Variants in BABAM2 observed in about 807,000 individuals in gnomAD.
BABAM2 encodes the protein BRISC and BRCA1 A complex member 2.
In BABAM2, 31 loss-of-function variants were observed where a neutral mutation model predicts 54.7. That is an observed-to-expected ratio of 0.57 (90% CI 0.43 to 0.77). BABAM2 has a LOEUF of 0.77. Among genes scored for constraint, BABAM2 ranks in the 30% least tolerant of loss-of-function variants. The probability of loss-of-function intolerance (pLI) is 0.00; values close to 1 mark genes in which losing one functional copy is unlikely to be tolerated. For missense variants in BABAM2, 364 were observed against 455.8 expected (o/e 0.80, Z 1.83); for synonymous variants, 167 against 162.9 (o/e 1.03, Z -0.19).
chr2:28,078,381 C>T (rs1203131255), intron 6 of BABAM2, among the ~76,000 whole-genome samples: 1 of 151,770 alleles, frequency 6.6e-6, no homozygotes, highest in Non-Finnish European at 1.5e-5. Flanking sequence ...GCAATTCAGA[C>T]ATGCCACACA....
chr2:28,101,721 TTAG>T (rs1351332590), intron 6 of BABAM2, among the ~76,000 whole-genome samples: 1 of 152,196 alleles, frequency 6.6e-6, no homozygotes, highest in Non-Finnish European at 1.5e-5. Flanking sequence ...TCATAATGTA[TTAG>T]TACATAGGTT....
chr2:28,152,624 T>G (rs1160777351), intron 7 of BABAM2, among the ~76,000 whole-genome samples: 1 of 152,160 alleles, frequency 6.6e-6, no homozygotes, highest in Non-Finnish European at 1.5e-5. Flanking sequence ...ATGACACTGC[T>G]CACCCATTCT....
At chr2:28,227,789 C>T (rs752642392) in intron 7 of BABAM2, among the ~76,000 whole-genome samples, 1 of 152,158 alleles carries the variant, frequency 6.6e-6, no homozygotes, top group South Asian at 2.1e-4. Context: ...GGTGTGAGGA[C>T]CACCTGCATC....
chr2:28,281,985 G>C (rs550415006), intron 10 of BABAM2, among the ~76,000 whole-genome samples: 33 of 152,308 alleles, frequency 2.2e-4, no homozygotes, highest in Middle Eastern at 6.8e-3. Context: ...TTTCTGAAAA[G>C]GAAGTGCTGA....
chr2:28,326,285 C>A (rs1690448765), intron 11 of BABAM2, among the ~76,000 whole-genome samples: 1 of 152,196 alleles, frequency 6.6e-6, no homozygotes, highest in African/African-American at 2.4e-5. Context: ...CCCTGCACCC[C>A]ACCCCAGGCA....
intron 7 of BABAM2, among the ~76,000 whole-genome samples, chr2:28,206,697 A>G (rs1357429709): frequency 6.6e-6 from 1 of 152,142 alleles, no homozygotes; most frequent in Admixed American, 6.5e-5. Context: ...CATCTTTTAT[A>G]AATTGCACAA....
At chr2:28,202,343 T>C (rs899218984) in intron 7 of BABAM2, among the ~76,000 whole-genome samples, 2 of 152,106 alleles carry the variant, frequency 1.3e-5, no homozygotes, top group Non-Finnish European at 2.9e-5. Flanking sequence ...CCACATCCCA[T>C]TGAGTCCCCC....
intron 7 of BABAM2, among the ~76,000 whole-genome samples, chr2:28,135,089 G>A (rs1156384218): frequency 6.6e-6 from 1 of 152,168 alleles, no homozygotes; most frequent in Non-Finnish European, 1.5e-5. Context: ...CATGGTTGAT[G>A]CTTAGTTAGT....
Position 28,098,620 on chromosome 2 carries a change from G to C in BABAM2, c.571-30651G>C, listed in dbSNP as rs189702420. 2.1e-3 allele frequency among the ~76,000 whole-genome samples: 314 copies of C among 152,210 alleles called. 3 individuals carry two copies. The highest frequency in any genetic ancestry group is 4.2e-3 in the East Asian group (22 of 5,184). ...CTTCCCTATGAACTAGGAAATAAAG[G>C]AATCAGCTTACTCCATGAAAGTCGC... On this transcript the variant is annotated intron_variant, in intron 6 of 11. Coordinates refer to ENST00000379624, the MANE Select transcript of BABAM2 (RefSeq NM_199191.3).
intron 6 of BABAM2, among the ~76,000 whole-genome samples, chr2:28,052,556 G>A (rs1678080657): frequency 6.6e-6 from 1 of 152,130 alleles, no homozygotes; most frequent in Non-Finnish European, 1.5e-5. Context: ...CCAAAGTGCT[G>A]AGATTATAGG....
At chr2:28,230,828 C>T (rs1446391260) in intron 7 of BABAM2, among the ~76,000 whole-genome samples, 1 of 150,960 alleles carries the variant, frequency 6.6e-6, no homozygotes, top group Non-Finnish European at 1.5e-5. Flanking sequence ...TTTTTTAGTC[C>T]CACCAGGTTA....
intron 10 of BABAM2, among the ~76,000 whole-genome samples, chr2:28,282,469 G>A (rs997097618): frequency 5.9e-5 from 9 of 152,046 alleles, no homozygotes; most frequent in South Asian, 2.1e-4. Context: ...TTTCCACAAT[G>A]TCAGAAACAA....
intron 3 of BABAM2, among the ~76,000 whole-genome samples, chr2:27,965,222 G>C (rs886704753): frequency 6.6e-6 from 1 of 152,046 alleles, no homozygotes; most frequent in African/African-American, 2.4e-5. Flanking sequence ...TTCCAACTCT[G>C]TAAGTATGCT....
intron 2 of BABAM2, among the ~76,000 whole-genome samples, chr2:27,929,140 T>C (rs1244890339): frequency 6.6e-6 from 1 of 151,104 alleles, no homozygotes; most frequent in East Asian, 1.9e-4. Context: ...AGCTTGAGCC[T>C]GAGAGATTGA....
chr2:28,173,532 AC>A (rs145461717), intron 7 of BABAM2, among the ~76,000 whole-genome samples: 1,562 of 152,282 alleles, frequency 0.01, 26 homozygotes, highest in African/African-American at 0.036. Flanking sequence ...TTAAAAAGCA[AC>A]TGCAGTGACC....
intron 10 of BABAM2, among the ~76,000 whole-genome samples, chr2:28,274,669 G>T (rs1685714156): frequency 1.3e-5 from 2 of 152,130 alleles, no homozygotes; most frequent in Admixed American, 1.3e-4. Context: ...TTAACTCTTT[G>T]TTATGCACAG....
chr2:28,221,998 G>A lies in BABAM2; in HGVS notation c.681-15204G>A, dbSNP rs544890935. Among the ~76,000 whole-genome samples, 3 of 152,282 alleles carry A rather than the reference G, an allele frequency of 2.0e-5. No homozygotes were observed. In the South Asian group the frequency reaches 6.2e-4, roughly 32 times the overall value. On this transcript the variant is annotated intron_variant, in intron 7 of 11. Coordinates refer to ENST00000379624, the MANE Select transcript of BABAM2 (RefSeq NM_199191.3). Reference sequence around the variant, plus strand: ...CAGAAAAGCAAGTTGTCCTGAGTTAGCCCCAGACTGTATTGAGAAGCAGTC... The same window carrying A: ...CAGAAAAGCAAGTTGTCCTGAGTTAACCCCAGACTGTATTGAGAAGCAGTC...
At chr2:28,120,126 T>G (rs1429007903) in intron 6 of BABAM2, among the ~76,000 whole-genome samples, 5 of 152,228 alleles carry the variant, frequency 3.3e-5, no homozygotes, top group Non-Finnish European at 7.3e-5. Context: ...TCTTTACACA[T>G]TTGTTAATTT....
At chr2:28,326,133 G>T (rs571557750) in intron 11 of BABAM2, among the ~76,000 whole-genome samples, 4 of 152,280 alleles carry the variant, frequency 2.6e-5, no homozygotes, top group African/African-American at 9.6e-5. Flanking sequence ...TCACCCTTTG[G>T]TTTTTCCCCT....
Sources: allele counts gnomAD v4.1 joint callset (sites outside exome capture counted in the v4.1 genomes callset), GRCh38; gene constraint gnomAD v4.1.1; transcripts MANE v1.5; gene names NCBI Gene and HGNC (gene_info 2026-07-23, HGNC 2026-07-21).